Variants in WASHC3 observed in about 807,000 individuals in gnomAD.
The protein encoded by WASHC3 is WASH complex subunit CCDC53.
A neutral mutation model predicts 26.1 loss-of-function variants in WASHC3; 24 were observed. The observed-to-expected ratio is 0.92, with a 90% confidence interval of 0.66 to 1.29. The LOEUF (loss-of-function observed/expected upper bound fraction) is 1.29, where lower values mean the gene tolerates loss of function less well. Ranked by LOEUF, WASHC3 falls within the 50% of genes most tolerant of loss-of-function variation. WASHC3 has a pLI of 0.00. For synonymous variants in WASHC3, 77 were observed against 75.7 expected (o/e 1.02, Z -0.09); for missense variants, 214 against 229.6 (o/e 0.93, Z 0.44).
chr12:102,029,001 T>C (rs1225409406), intron 5 of WASHC3, among the ~76,000 whole-genome samples: 2 of 152,146 alleles, frequency 1.3e-5, no homozygotes, highest in Non-Finnish European at 2.9e-5. Context: ...CAATTGCTAA[T>C]ATCTTAACTG....
chr12:102,047,655 A>T (rs1878218698), intron 2 of WASHC3, among the ~76,000 whole-genome samples: 1 of 152,210 alleles, frequency 6.6e-6, no homozygotes, highest in South Asian at 2.1e-4. Flanking sequence ...TTCCACAGCA[A>T]ATTAATATGT....
chr12:102,061,466 G>C (rs1181144587), intron 1 of WASHC3, 120 bp from the exon 2 acceptor site: 3 of 696,576 alleles, frequency 4.3e-6, no homozygotes, highest in Non-Finnish European at 7.7e-6. Context: ...TTGAAGGACT[G>C]GGAATAGTCA....
chr12:102,033,183 G>C (rs976997189), intron 5 of WASHC3, among the ~76,000 whole-genome samples: 2 of 152,070 alleles, frequency 1.3e-5, no homozygotes, highest in Admixed American at 1.3e-4. Context: ...GGAAGCCAAA[G>C]GGGTCTGTAG....
At chr12:102,027,565 TAAG>T (rs1456345978) in intron 5 of WASHC3, among the ~76,000 whole-genome samples, 1 of 152,148 alleles carries the variant, frequency 6.6e-6, no homozygotes, top group African/African-American at 2.4e-5. Flanking sequence ...ATTTTTTTAA[TAAG>T]AAAATTTTAT....
rs2373566 is a variant in WASHC3, at chr12:102,051,221, G to A, written c.151-5102C>T. Among the ~76,000 whole-genome samples, 17 of 152,130 alleles carry A rather than the reference G, an allele frequency of 1.1e-4. 1 individual carries two copies. The highest frequency in any genetic ancestry group is 2.0e-4 in the Admixed American group (3 of 15,286). On this transcript the variant is annotated intron_variant, in intron 2 of 6. Coordinates refer to ENST00000240079, the MANE Select transcript of WASHC3 (RefSeq NM_016053.4). The stretch of plus-strand genomic sequence containing the variant: ...TTCAAACCAGATCCTGTCGGGGGGT[G>A]GGAAAAGTTTTCTTTTTCCTCCCAG...
chr12:102,050,775 T>C (rs1291317003), intron 2 of WASHC3: 1 of 343,924 alleles, frequency 2.9e-6, no homozygotes, highest in African/African-American at 2.2e-5. Context: ...AGGTTTCACC[T>C]GCAATATGCA....
At chr12:102,062,048 T>TC, upstream of WASHC3, 3 of 1,184,504 alleles carry the variant, frequency 2.5e-6, no homozygotes, top group South Asian at 1.4e-5. Flanking sequence ...GTCTCAACTT[T>TC]CCCCCCAAGT....
At chr12:102,037,536 G>C (rs750414256) in intron 5 of WASHC3, among the ~76,000 whole-genome samples, 8 of 152,166 alleles carry the variant, frequency 5.3e-5, no homozygotes, top group Non-Finnish European at 7.3e-5. Flanking sequence ...AAGTGTTTCA[G>C]GCAGACAGAA....
chr12:102,047,550 G>A (rs1389511686), intron 2 of WASHC3, among the ~76,000 whole-genome samples: 1 of 152,148 alleles, frequency 6.6e-6, no homozygotes, highest in Non-Finnish European at 1.5e-5. Context: ...CATGTATTAT[G>A]AATGAATCCC....
At chr12:102,047,336 C>CA (rs1173271433) in intron 2 of WASHC3, among the ~76,000 whole-genome samples, 1 of 152,078 alleles carries the variant, frequency 6.6e-6, no homozygotes, top group Non-Finnish European at 1.5e-5. Flanking sequence ...TTAGAGGGGG[C>CA]AAAAAACTGA....
chr12:102,042,687 A>T (rs749710688), intron 4 of WASHC3, among the ~76,000 whole-genome samples: 2 of 152,234 alleles, frequency 1.3e-5, no homozygotes, highest in Non-Finnish European at 2.9e-5. Context: ...CTTGGTACAC[A>T]GAAAGCACTC....
chr12:102,048,434 G>T (rs1345321903), intron 2 of WASHC3: 1 of 152,168 alleles, frequency 6.6e-6, no homozygotes, highest in Non-Finnish European at 1.5e-5. Flanking sequence ...GTGTGGTGGT[G>T]TGCGTCTGCA....
chr12:102,026,158 A>G, intron 5 of WASHC3, 120 bp from the exon 6 acceptor site: 1 of 612,112 alleles, frequency 1.6e-6, no homozygotes, highest in Non-Finnish European at 2.8e-6. Context: ...TTCTACTTTA[A>G]AATTAGCATG....
chr12:102,057,418 T>C (rs944333787), intron 2 of WASHC3, among the ~76,000 whole-genome samples: 2 of 151,934 alleles, frequency 1.3e-5, no homozygotes, highest in Admixed American at 6.6e-5. Context: ...CTAGCTATAG[T>C]AATTAGACAA....
intron 5 of WASHC3, among the ~76,000 whole-genome samples, chr12:102,031,451 CTTCT>C (rs1877434509): frequency 6.6e-6 from 1 of 152,208 alleles, no homozygotes; most frequent in African/African-American, 2.4e-5. Context: ...CTAAGCTTTG[CTTCT>C]TTCTTTTAGT....
chr12:102,024,579 G>A lies in WASHC3; in HGVS notation c.500+1395C>T, dbSNP rs575390560. ...TATGAAGTAGGTTTAGGCTGGACAGGGGATGAAATGAAGCCAGTAGCAGGT... is the reference window on the plus strand; with the variant it reads ...TATGAAGTAGGTTTAGGCTGGACAGAGGATGAAATGAAGCCAGTAGCAGGT... On this transcript the variant is annotated intron_variant, in intron 6 of 6. Coordinates refer to ENST00000240079, the MANE Select transcript of WASHC3 (RefSeq NM_016053.4). 3.9e-5 allele frequency among the ~76,000 whole-genome samples: 6 copies of A among 152,286 alleles called. No individual in the cohort carries two copies. In the South Asian group the frequency reaches 1.2e-3, roughly 32 times the overall value.
chr12:102,060,195 C>CTCT (rs1878746960), intron 2 of WASHC3, among the ~76,000 whole-genome samples: 1 of 152,226 alleles, frequency 6.6e-6, no homozygotes, highest in African/African-American at 2.4e-5. Context: ...ATTTACTTTG[C>CTCT]TCTTTCCTTA....
intron 5 of WASHC3, among the ~76,000 whole-genome samples, chr12:102,036,564 G>T (rs527928008): frequency 6.6e-6 from 1 of 151,892 alleles, no homozygotes; most frequent in Non-Finnish European, 1.5e-5. Flanking sequence ...TAAACAATTC[G>T]AAACAGAATA....
chr12:102,039,721 T>G (rs1877860119), intron 5 of WASHC3, 147 bp downstream of exon 5: 1 of 412,578 alleles, frequency 2.4e-6, no homozygotes, highest in Non-Finnish European at 4.4e-6. Context: ...AATCAGAGAA[T>G]TAAAATAGAA....
Sources: allele counts gnomAD v4.1 joint callset (sites outside exome capture counted in the v4.1 genomes callset), GRCh38; gene constraint gnomAD v4.1.1; transcripts MANE v1.5; gene names NCBI Gene and HGNC (gene_info 2026-07-23, HGNC 2026-07-21).